HS6ST3: variants seen among roughly 807,000 people sequenced by gnomAD.
HS6ST3 encodes the protein heparan sulfate 6-O-sulfotransferase 3.
Under a neutral mutation model 36.7 loss-of-function variants are expected in HS6ST3, and 12 were observed. The observed-to-expected ratio is 0.33, with a 90% CI of 0.21 to 0.53. The LOEUF is 0.53. HS6ST3 is among the 20% of genes least tolerant of loss of function. HS6ST3 has a pLI of 0.95. For synonymous variants in HS6ST3, 240 were observed against 257.5 expected (o/e 0.93, Z 0.65); for missense variants, 584 against 640.9 (o/e 0.91, Z 0.96).
Position 96,303,550 on chromosome 13 carries a change from A to G in HS6ST3, c.707+211981A>G, listed in dbSNP as rs371834637. Among the ~76,000 whole-genome samples, 108 of 152,298 alleles carry G rather than the reference A, an allele frequency of 7.1e-4. 1 individual carries two copies. Among genetic ancestry groups the G allele is most frequent in the African/African-American group, 2.5e-3 (103 of 41,572 alleles). ...GGGCTGTGCTGGGAAGGATGAATGA[A>G]GAGTCCCTGTCTTTAAGGAACTCAA... is the stretch of plus-strand genomic sequence containing the variant. On this transcript the variant is annotated intron_variant, in intron 1 of 1. Coordinates refer to ENST00000376705, the MANE Select transcript of HS6ST3 (RefSeq NM_153456.4).
chr13:96,332,187 C>T (rs141550210), intron 1 of HS6ST3, among the ~76,000 whole-genome samples: 371 of 152,246 alleles, frequency 2.4e-3, no homozygotes, highest in Non-Finnish European at 3.4e-3. Flanking sequence ...TGTTCCTATT[C>T]GGCCATCTTG....
intron 1 of HS6ST3, among the ~76,000 whole-genome samples, chr13:96,542,249 T>C (rs1178441960): frequency 6.6e-6 from 1 of 152,158 alleles, no homozygotes; most frequent in Non-Finnish European, 1.5e-5. Context: ...CCATTACCCA[T>C]AGATAGAGTT....
chr13:96,143,848 G>A (rs1308135270), intron 1 of HS6ST3, among the ~76,000 whole-genome samples: 2 of 152,170 alleles, frequency 1.3e-5, no homozygotes, highest in Non-Finnish European at 2.9e-5. Flanking sequence ...TTGGATGATA[G>A]AGGGGGAGCA....
intron 1 of HS6ST3, among the ~76,000 whole-genome samples, chr13:96,168,208 T>G (rs1594701897): frequency 1.3e-5 from 2 of 152,162 alleles, no homozygotes; most frequent in African/African-American, 4.8e-5. Context: ...ATGTATGTGC[T>G]GTCTAGAAGG....
At chr13:96,531,466 G>T (rs777854446) in intron 1 of HS6ST3, among the ~76,000 whole-genome samples, 1 of 152,142 alleles carries the variant, frequency 6.6e-6, no homozygotes, top group Non-Finnish European at 1.5e-5. Context: ...AGAATGTTCT[G>T]TCTTTGTATT....
At position 96,764,414 on chromosome 13, in the gene HS6ST3, C is replaced by T. The variant is rs9554363; in HGVS notation, c.708-68076C>T. ...CTGAAACCAAGCCTCATTATCATTT[C>T]TTTAAATAGATGAAGCAAGTGAGAT... On this transcript the variant is annotated intron_variant, in intron 1 of 1. Coordinates refer to ENST00000376705, the MANE Select transcript of HS6ST3 (RefSeq NM_153456.4). 1.3e-3 allele frequency among the ~76,000 whole-genome samples: 198 copies of T among 152,312 alleles called. 4 individuals carry two copies. The East Asian group carries it at 0.026, about 20-fold the overall frequency.
chr13:96,112,578 A>AATATATATATATATATAT (rs59107741), intron 1 of HS6ST3, among the ~76,000 whole-genome samples: 26 of 81,152 alleles, frequency 3.2e-4, no homozygotes, highest in South Asian at 8.9e-4. Context: ...AAAATAAATA[A>AATATATATATATATATAT]ATATATATAT....
intron 1 of HS6ST3, among the ~76,000 whole-genome samples, chr13:96,278,232 C>T (rs1265617633): frequency 6.6e-6 from 1 of 152,126 alleles, no homozygotes; most frequent in African/African-American, 2.4e-5. Flanking sequence ...CACATACAAG[C>T]GCTTTTTGGG....
At chr13:96,466,846 C>T (rs1315403687) in intron 1 of HS6ST3, among the ~76,000 whole-genome samples, 1 of 152,122 alleles carries the variant, frequency 6.6e-6, no homozygotes, top group Non-Finnish European at 1.5e-5. Context: ...TGGAAATCTC[C>T]TGTGATGAGA....
intron 1 of HS6ST3, among the ~76,000 whole-genome samples, chr13:96,176,641 G>C (rs981975959): frequency 6.6e-6 from 1 of 152,096 alleles, no homozygotes; most frequent in Non-Finnish European, 1.5e-5. Flanking sequence ...GACATCATGA[G>C]GTGGCAATCC....
intron 1 of HS6ST3, among the ~76,000 whole-genome samples, chr13:96,560,078 T>C (rs1047947272): frequency 6.6e-6 from 1 of 152,222 alleles, no homozygotes; most frequent in African/African-American, 2.4e-5. Context: ...AGGCCTATAG[T>C]TGGCAACAAC....
intron 1 of HS6ST3, among the ~76,000 whole-genome samples, chr13:96,320,809 T>G (rs1189919285): frequency 6.6e-6 from 1 of 152,172 alleles, no homozygotes; most frequent in African/African-American, 2.4e-5. Context: ...GAGTGAGACG[T>G]TGGGTCAGTC....
At chr13:96,234,117 A>G (rs936279034) in intron 1 of HS6ST3, among the ~76,000 whole-genome samples, 2 of 149,404 alleles carry the variant, frequency 1.3e-5, no homozygotes, top group African/African-American at 2.4e-5. Context: ...AAAAAAAAGG[A>G]AAGAAAAAGA....
chr13:96,274,979 G>A (rs1167291789), intron 1 of HS6ST3, among the ~76,000 whole-genome samples: 1 of 151,720 alleles, frequency 6.6e-6, no homozygotes, highest in East Asian at 1.9e-4. Context: ...TCAGCGCTGG[G>A]TTTATTTCCT....
intron 1 of HS6ST3, among the ~76,000 whole-genome samples, chr13:96,689,291 C>T (rs1217379489): frequency 2.0e-5 from 3 of 152,046 alleles, no homozygotes; most frequent in Non-Finnish European, 4.4e-5. Context: ...AATCTCTTTA[C>T]AGCTAGTCAG....
chr13:96,162,975 C>T (rs766087170), intron 1 of HS6ST3, among the ~76,000 whole-genome samples: 3 of 151,930 alleles, frequency 2.0e-5, no homozygotes, highest in East Asian at 1.9e-4. Context: ...AAATGATGCA[C>T]GTAAGAGGTT....
intron 1 of HS6ST3, among the ~76,000 whole-genome samples, chr13:96,182,863 C>A (rs1384642597): frequency 6.6e-6 from 1 of 152,178 alleles, no homozygotes; most frequent in Non-Finnish European, 1.5e-5. Flanking sequence ...AGAAAAATAG[C>A]CTAGTCACTC....
At chr13:96,175,656 A>G (rs895185353) in intron 1 of HS6ST3, among the ~76,000 whole-genome samples, 2 of 146,484 alleles carry the variant, frequency 1.4e-5, no homozygotes, top group African/African-American at 5.0e-5. Flanking sequence ...TTGTGTAATT[A>G]CTTCAACTTA....
At chr13:96,291,606 T>G (rs972404422) in intron 1 of HS6ST3, among the ~76,000 whole-genome samples, 1 of 152,192 alleles carries the variant, frequency 6.6e-6, no homozygotes, top group African/African-American at 2.4e-5. Context: ...GTGAATAAGA[T>G]AAATGCATTT....
Sources: allele counts gnomAD v4.1 joint callset (sites outside exome capture counted in the v4.1 genomes callset), GRCh38; gene constraint gnomAD v4.1.1; transcripts MANE v1.5; gene names NCBI Gene and HGNC (gene_info 2026-07-23, HGNC 2026-07-21).